The following ME3 variants were observed in gnomAD, a reference collection of about 807,000 sequenced individuals.
The protein encoded by ME3 is malic enzyme 3.
A neutral mutation model predicts 68.9 loss-of-function variants in ME3; 48 were observed. The ratio of observed to expected loss-of-function variants is 0.70; its 90% CI spans 0.55 to 0.89. ME3 has a LOEUF of 0.89. Among genes scored for constraint, ME3 ranks in the 40% least tolerant of loss-of-function variants. The pLI, the probability that ME3 is intolerant of heterozygous loss-of-function variation, is 0.00. For synonymous variants in ME3, 320 were observed against 318.8 expected, an observed-to-expected ratio of 1.00 and a Z score of -0.04; for missense variants, 675 against 797.4, an observed-to-expected ratio of 0.85 and a Z score of 1.85.
chr11:86,511,396 C>T (rs866314270), intron 4 of ME3, among the ~76,000 whole-genome samples: 4 of 152,156 alleles, frequency 2.6e-5, no homozygotes, highest in Non-Finnish European at 5.9e-5. Flanking sequence ...CTTTATGTGC[C>T]ATGTTCTTCC....
chr11:86,472,552 G>A (rs796402581), intron 7 of ME3, among the ~76,000 whole-genome samples: 9 of 152,294 alleles, frequency 5.9e-5, no homozygotes, highest in African/African-American at 2.2e-4. Context: ...TAGCCTGGAG[G>A]AAAGACAAAG....
intron 2 of ME3, among the ~76,000 whole-genome samples, chr11:86,641,546 G>T (rs1303737104): frequency 6.6e-6 from 1 of 152,120 alleles, no homozygotes; most frequent in Non-Finnish European, 1.5e-5. Flanking sequence ...ATAAAAATTT[G>T]TTCTTTTGAA....
chr11:86,446,287 C>T (rs1949285506), intron 13 of ME3, 27 bp downstream of exon 13: 2 of 1,612,032 alleles, frequency 1.2e-6, no homozygotes, highest in South Asian at 1.1e-5. Flanking sequence ...CTACTGCAAG[C>T]ATTTGAGGGA....
chr11:86,502,373 A>G (rs1952783227), intron 5 of ME3, among the ~76,000 whole-genome samples: 2 of 152,196 alleles, frequency 1.3e-5, no homozygotes, highest in Non-Finnish European at 2.9e-5. Flanking sequence ...GCTTCACAGT[A>G]GCTTGAAGCT....
chr11:86,646,900 A>G (rs1387148548), intron 2 of ME3, among the ~76,000 whole-genome samples: 1 of 152,224 alleles, frequency 6.6e-6, no homozygotes, highest in Non-Finnish European at 1.5e-5. Flanking sequence ...CCAACATTCA[A>G]CATTCTTGGA....
intron 2 of ME3, among the ~76,000 whole-genome samples, chr11:86,576,746 C>T (rs986975812): frequency 2.6e-5 from 4 of 152,202 alleles, no homozygotes; most frequent in African/African-American, 9.7e-5. Flanking sequence ...TGTGCTTCTT[C>T]ATTCAGGGCT....
At chr11:86,598,748 C>G (rs188269103) in intron 2 of ME3, among the ~76,000 whole-genome samples, 1 of 152,192 alleles carries the variant, frequency 6.6e-6, no homozygotes, top group Non-Finnish European at 1.5e-5. Flanking sequence ...TCCTCTGAGA[C>G]AAAACTTCCA....
At chr11:86,595,880 G>T (rs763568092) in intron 2 of ME3, among the ~76,000 whole-genome samples, 1 of 152,122 alleles carries the variant, frequency 6.6e-6, no homozygotes, top group Non-Finnish European at 1.5e-5. Flanking sequence ...GGCACCTCTG[G>T]GTGGGCCCCT....
intron 3 of ME3, 32 bp from the exon 4 acceptor site, chr11:86,556,734 T>G (rs759613187): frequency 2.4e-5 from 38 of 1,606,232 alleles, no homozygotes; most frequent in Non-Finnish European, 3.2e-5. Flanking sequence ...CAAGCTGACA[T>G]GTGGTAGCAG....
chr11:86,636,199 T>G (rs928844430), intron 2 of ME3, among the ~76,000 whole-genome samples: 1 of 152,030 alleles, frequency 6.6e-6, no homozygotes, highest in African/African-American at 2.4e-5. Context: ...TGAGACTTTC[T>G]GGGTTAAATC....
intron 4 of ME3, among the ~76,000 whole-genome samples, chr11:86,510,673 A>G (rs1471518278): frequency 6.6e-6 from 1 of 152,136 alleles, no homozygotes; most frequent in Admixed American, 6.5e-5. Flanking sequence ...TCCAGATACC[A>G]ATAGCACCTC....
chr11:86,483,265 G>T (rs1352180270), intron 7 of ME3, among the ~76,000 whole-genome samples: 1 of 152,164 alleles, frequency 6.6e-6, no homozygotes, highest in East Asian at 1.9e-4. Context: ...AATGGGAGGA[G>T]TCCCATTTAG....
intron 5 of ME3, among the ~76,000 whole-genome samples, chr11:86,507,991 AT>A (rs1204642780): frequency 4.8e-5 from 7 of 146,764 alleles, no homozygotes; most frequent in African/African-American, 1.8e-4. Flanking sequence ...AAAAAAAAAA[AT>A]ATGGCAACTT....
In ME3 at chr11:86,516,580, G is replaced by C. The variant is rs754663260; in HGVS notation, c.468-7713C>G. Among the ~76,000 whole-genome samples the C allele has an allele frequency of 5.8e-4, 88 of 152,214 alleles. 1 individual carries two copies. The highest frequency in any genetic ancestry group is 1.2e-3 in the Non-Finnish European group (81 of 68,018). On this transcript the variant is annotated intron_variant, in intron 4 of 14. Transcript: ENST00000543262. ...TTTTTTGTATTTTTAGTAGAGATGG[G>C]ATTTCACTATATGTTGGCCAGGCTG...
At position 86,567,765 on chromosome 11, in the gene ME3, C is replaced by T. The variant is rs187274838; in HGVS notation, c.184-7942G>A. On this transcript the variant is annotated intron_variant, in intron 2 of 14. Transcript: ENST00000543262. The stretch of plus-strand genomic sequence containing the variant: ...TTAAGGCAACCTCAGATTTACAAGT[C>T]TGCAAAGCAGAAATGAAGGCACTGT... Among the ~76,000 whole-genome samples, 379 of 152,334 alleles carry T rather than the reference C, an allele frequency of 2.5e-3. 1 individual carries two copies. Among genetic ancestry groups the T allele is most frequent in the South Asian group, 3.5e-3 (17 of 4,824 alleles).
chr11:86,525,592 G>T (rs1954671588), intron 4 of ME3, among the ~76,000 whole-genome samples: 1 of 152,100 alleles, frequency 6.6e-6, no homozygotes, highest in Non-Finnish European at 1.5e-5. Context: ...GCCGGGTGCA[G>T]TGGCTCACGC....
At chr11:86,529,608 A>G (rs1955045841) in intron 4 of ME3, among the ~76,000 whole-genome samples, 3 of 152,222 alleles carry the variant, frequency 2.0e-5, no homozygotes, top group Non-Finnish European at 4.4e-5. Flanking sequence ...AAATTCCTCA[A>G]TAAAATACTG....
chr11:86,588,854 TC>T (rs1958890489), intron 2 of ME3, among the ~76,000 whole-genome samples: 1 of 152,082 alleles, frequency 6.6e-6, no homozygotes, highest in Non-Finnish European at 1.5e-5. Flanking sequence ...CTTTCCTAAC[TC>T]CCCAGAGCCT....
intron 7 of ME3, among the ~76,000 whole-genome samples, chr11:86,486,881 G>T (rs1165102315): frequency 6.6e-6 from 1 of 152,172 alleles, no homozygotes; most frequent in African/African-American, 2.4e-5. Context: ...GAGCCCGTGT[G>T]GTCTGCCACA....
Sources: allele counts gnomAD v4.1 joint callset (sites outside exome capture counted in the v4.1 genomes callset), GRCh38; gene constraint gnomAD v4.1.1; transcripts MANE v1.5; gene names NCBI Gene and HGNC (gene_info 2026-07-23, HGNC 2026-07-21).